The following SUGCT variants were observed in gnomAD, a reference collection of about 807,000 sequenced individuals.
SUGCT encodes the protein succinyl-CoA:glutarate-CoA transferase, also known as succinyl-CoA:glutarate CoA-transferase.
In SUGCT, 41 loss-of-function variants were observed where a neutral mutation model predicts 55.0. The ratio of observed to expected loss-of-function variants is 0.74; its 90% CI spans 0.58 to 0.97. SUGCT has a LOEUF of 0.97. Ranked by LOEUF, SUGCT falls within the 50% of genes least tolerant of loss-of-function variation. The probability of loss-of-function intolerance (pLI) is 0.00; values close to 1 mark genes in which losing one functional copy is unlikely to be tolerated. For synonymous variants in SUGCT, 187 were observed against 200.4 expected (o/e 0.93, Z 0.56); for missense variants, 568 against 547.8 (o/e 1.04, Z -0.37).
intron 12 of SUGCT, among the ~76,000 whole-genome samples, chr7:40,516,243 C>T (rs1224309617): frequency 6.6e-6 from 1 of 152,128 alleles, no homozygotes; most frequent in Non-Finnish European, 1.5e-5. Flanking sequence ...TTCTTGAGAG[C>T]ATCTGGAAAA....
intron 9 of SUGCT, among the ~76,000 whole-genome samples, chr7:40,371,102 A>G (rs1784275197): frequency 6.6e-6 from 1 of 152,176 alleles, no homozygotes; most frequent in South Asian, 2.1e-4. Context: ...TATGAACATT[A>G]AGAAAAAAAT....
chr7:40,330,327 A>C (rs1032938945), intron 9 of SUGCT, among the ~76,000 whole-genome samples: 1 of 152,184 alleles, frequency 6.6e-6, no homozygotes, highest in African/African-American at 2.4e-5. Flanking sequence ...GAAGGTGAAT[A>C]TAGGGACATT....
At chr7:40,766,403 T>G (rs990104129) in intron 13 of SUGCT, among the ~76,000 whole-genome samples, 8 of 152,076 alleles carry the variant, frequency 5.3e-5, no homozygotes, top group Non-Finnish European at 1.0e-4. Flanking sequence ...AGAGATGAGG[T>G]TTCACCATGT....
intron 12 of SUGCT, among the ~76,000 whole-genome samples, chr7:40,593,300 C>T (rs889508789): frequency 6.6e-6 from 1 of 152,148 alleles, no homozygotes; most frequent in African/African-American, 2.4e-5. Context: ...CTCCCCAAAC[C>T]CACACCATCC....
At chr7:40,467,204 G>GAAAAAAAAAAAAAAAAAAAAA (rs762283927) in intron 11 of SUGCT, among the ~76,000 whole-genome samples, 2 of 83,618 alleles carry the variant, frequency 2.4e-5, no homozygotes, top group Non-Finnish European at 2.3e-5. Context: ...CTAAGAAAAA[G>GAAAAAAAAAAAAAAAAAAAAA]AAAAAAAAAA....
chr7:40,469,108 C>T lies in SUGCT; in HGVS notation c.986+9910C>T, dbSNP rs1778759025. Among the ~76,000 whole-genome samples, 3 of 152,206 alleles carry T rather than the reference C, an allele frequency of 2.0e-5. 1 individual carries two copies. Among genetic ancestry groups the T allele is most frequent in the Admixed American group, 2.0e-4 (3 of 15,276 alleles). Reference sequence around the variant, plus strand: ...TAGAGAAACTTATTGTTTTCACCCTCTGAAACTTTTTGAGTTGGTTTAATA... The same window carrying T: ...TAGAGAAACTTATTGTTTTCACCCTTTGAAACTTTTTGAGTTGGTTTAATA... On this transcript the variant is annotated intron_variant, in intron 11 of 13. Transcript: ENST00000335693.
chr7:40,667,597 G>A (rs1186104947), intron 12 of SUGCT, among the ~76,000 whole-genome samples: 1 of 149,114 alleles, frequency 6.7e-6, no homozygotes, highest in Admixed American at 6.6e-5. Context: ...TTTTTTGGTA[G>A]GTTTTTAATT....
chr7:40,397,667 A>G (rs1460237864), intron 9 of SUGCT, among the ~76,000 whole-genome samples: 1 of 152,208 alleles, frequency 6.6e-6, no homozygotes, highest in Non-Finnish European at 1.5e-5. Flanking sequence ...ATGTTTGAAT[A>G]CGTAATACAA....
chr7:40,429,123 T>A (rs970088825), intron 9 of SUGCT, among the ~76,000 whole-genome samples: 4 of 15,622 alleles, frequency 2.6e-4, no homozygotes, highest in Non-Finnish European at 3.4e-4. Flanking sequence ...ATAATTACCG[T>A]TTTTTTTTTG....
chr7:40,998,898 G>C, the SUGCT span, among the ~76,000 whole-genome samples: 2 of 152,232 alleles, frequency 1.3e-5, no homozygotes, highest in Non-Finnish European at 2.9e-5. Flanking sequence ...ATTTCACTAT[G>C]CAGAAAATGT....
At chr7:40,569,723 C>T (rs1187461450) in intron 12 of SUGCT, among the ~76,000 whole-genome samples, 2 of 152,118 alleles carry the variant, frequency 1.3e-5, no homozygotes, top group Non-Finnish European at 2.9e-5. Context: ...AAAACTTTGA[C>T]TTAACTCATT....
chr7:40,762,661 T>C (rs1363777502), intron 13 of SUGCT, among the ~76,000 whole-genome samples: 1 of 152,190 alleles, frequency 6.6e-6, no homozygotes, highest in East Asian at 1.9e-4. Flanking sequence ...AAAGGATGCA[T>C]ACATTTTCAT....
chr7:40,674,853 G>A (rs1217406454), intron 12 of SUGCT, among the ~76,000 whole-genome samples: 1 of 151,974 alleles, frequency 6.6e-6, no homozygotes, highest in Non-Finnish European at 1.5e-5. Flanking sequence ...AGTGATTTAG[G>A]AGACAAAGAT....
chr7:40,871,062 A>G, the SUGCT span, among the ~76,000 whole-genome samples: 1 of 152,222 alleles, frequency 6.6e-6, no homozygotes, highest in African/African-American at 2.4e-5. Context: ...TGTTCCTTTT[A>G]CTAGAAAATG....
chr7:40,410,828 A>G (rs1332253325), intron 9 of SUGCT, among the ~76,000 whole-genome samples: 2 of 152,170 alleles, frequency 1.3e-5, no homozygotes, highest in Non-Finnish European at 2.9e-5. Flanking sequence ...TTCCATACAC[A>G]ATATTGTGAA....
intron 1 of SUGCT, among the ~76,000 whole-genome samples, chr7:40,165,595 T>C (rs1437218524): frequency 1.3e-5 from 2 of 152,216 alleles, no homozygotes; most frequent in African/African-American, 4.8e-5. Context: ...TTCCAACTGT[T>C]TCATGCCTTG....
At chr7:40,227,453 C>T (rs1190801413) in intron 6 of SUGCT, among the ~76,000 whole-genome samples, 1 of 151,980 alleles carries the variant, frequency 6.6e-6, no homozygotes, top group African/African-American at 2.4e-5. Context: ...CCTCCTTGAC[C>T]CCTTGGGTTC....
At chr7:40,695,787 C>T (rs1784906300) in intron 12 of SUGCT, among the ~76,000 whole-genome samples, 1 of 152,010 alleles carries the variant, frequency 6.6e-6, no homozygotes, top group South Asian at 2.1e-4. Context: ...TATCAGTTTC[C>T]CTGTCCTCTA....
intron 13 of SUGCT, among the ~76,000 whole-genome samples, chr7:40,838,122 T>C (rs894234355): frequency 6.6e-6 from 1 of 152,234 alleles, no homozygotes; most frequent in Non-Finnish European, 1.5e-5. Flanking sequence ...TTTCTATCGC[T>C]CCACTGGTAC....
Sources: allele counts gnomAD v4.1 joint callset (sites outside exome capture counted in the v4.1 genomes callset), GRCh38; gene constraint gnomAD v4.1.1; transcripts MANE v1.5; gene names NCBI Gene and HGNC (gene_info 2026-07-23, HGNC 2026-07-21).